EPGN: variants seen among roughly 807,000 people sequenced by gnomAD.
EPGN encodes epithelial mitogen.
A neutral mutation model predicts 20.7 loss-of-function variants in EPGN; 21 were observed. The ratio of observed to expected loss-of-function variants is 1.01; its 90% CI spans 0.72 to 1.46. EPGN has a LOEUF of 1.46. EPGN is among the 40% of genes most tolerant of loss of function. The pLI is 0.00. For missense variants in EPGN, 199 were observed against 180.7 expected (o/e 1.10, Z -0.58); for synonymous variants, 69 against 63.8 (o/e 1.08, Z -0.39).
chr4:74,308,643 C>A, intron 1 of EPGN, 67 bp downstream of exon 1: 1 of 1,385,536 alleles, frequency 7.2e-7, no homozygotes, highest in South Asian at 1.3e-5. Flanking sequence ...TTTATTTTCT[C>A]TGCATTAGAG....
chr4:74,308,838 G>C (rs1439355917), intron 1 of EPGN, among the ~76,000 whole-genome samples: 1 of 151,962 alleles, frequency 6.6e-6, no homozygotes, highest in Non-Finnish European at 1.5e-5. Flanking sequence ...CTATACTATA[G>C]GGTTCTTATT....
chr4:74,313,365 T>C (rs1399616449), intron 4 of EPGN, 195 bp downstream of exon 4: 19 of 1,397,638 alleles, frequency 1.4e-5, no homozygotes, highest in Non-Finnish European at 1.7e-5. Flanking sequence ...AAAATTTGCC[T>C]TCAGTTGTAA....
intron 3 of EPGN, 129 bp downstream of exon 3, chr4:74,312,434 C>A: frequency 1.0e-6 from 1 of 981,006 alleles, no homozygotes; most frequent in Non-Finnish European, 1.4e-6. Context: ...CATGACTTGA[C>A]AGGCCTCTAC....
chr4:74,308,798 C>A (rs974929790), intron 1 of EPGN, among the ~76,000 whole-genome samples: 20 of 152,070 alleles, frequency 1.3e-4, no homozygotes, highest in Admixed American at 1.3e-3. Context: ...TTGCTTTATA[C>A]AATTGAAGAG....
rs1750730061 is a variant in EPGN, at chr4:74,309,152, C to A, written c.103C>A (p.Gln35Lys). 1.9e-6 allele frequency: 3 copies of A among 1,613,382 alleles called. No individual in the cohort carries two copies. The highest frequency in any genetic ancestry group is 2.5e-6 in the Non-Finnish European group (3 of 1,179,598). Reference protein sequence around the residue: ...VTVTPPITAQQGNWTVNKTEA... With the variant: ...VTVTPPITAQKGNWTVNKTEA... ...TGTAACACCTCCAATCACAGCCCAG[C>A]AAGGTAACTGGACAGTTAACAAAAC... The change falls in exon 2 of 5, where the codon CAA (glutamine) becomes AAA (lysine). Residue 35 changes from glutamine to lysine, a missense_variant. Transcript: ENST00000413830.
chr4:74,313,991 A>G (rs1446091670), intron 4 of EPGN: 1 of 366,798 alleles, frequency 2.7e-6, no homozygotes, highest in African/African-American at 2.1e-5. Flanking sequence ...TAATAATAAT[A>G]AGGGGGAGGA....
rs1675650970 is a variant in EPGN at position 74,315,463 on chromosome 4, G to C, written c.*826G>C. On this transcript the variant is annotated 3_prime_UTR_variant, in exon 5 of 5. Transcript: ENST00000413830. ...GGAATTACCTGGTGACCATTCATTTGGACCGAAATCCTGGAAGTCTCCTAC... is the reference window on the plus strand; with the variant it reads ...GGAATTACCTGGTGACCATTCATTTCGACCGAAATCCTGGAAGTCTCCTAC... Among the ~76,000 whole-genome samples the C allele has an allele frequency of 1.3e-5, 2 of 152,084 alleles. No homozygotes were observed. Among genetic ancestry groups the C allele is most frequent in the South Asian group, 2.1e-4 (1 of 4,826 alleles).
intron 2 of EPGN, among the ~76,000 whole-genome samples, chr4:74,309,791 T>C (rs944904716): frequency 2.6e-5 from 4 of 152,152 alleles, no homozygotes; most frequent in African/African-American, 9.7e-5. Flanking sequence ...TCTAATCTGT[T>C]TAAACTCTTA....
chr4:74,312,181 C>G lies in EPGN; in HGVS notation c.134-4C>G. Reference sequence around the variant, plus strand: ...TTTGCTAACATTGTATCTCCTTTTCCTAGCTGACAACATAGAAGGACCCAT... The same window carrying G: ...TTTGCTAACATTGTATCTCCTTTTCGTAGCTGACAACATAGAAGGACCCAT... On this transcript the variant is annotated splice_region_variant and splice_polypyrimidine_tract_variant and intron_variant, in intron 2 of 4. Transcript: ENST00000413830. 6.3e-7 allele frequency: 1 copy of G among 1,593,518 alleles called. No individual in the cohort carries two copies. The highest frequency in any genetic ancestry group is 8.5e-7 in the Non-Finnish European group (1 of 1,173,078).
chr4:74,315,688 A>C lies in EPGN; in HGVS notation c.*1051A>C, dbSNP rs1751238071. On this transcript the variant is annotated 3_prime_UTR_variant, in exon 5 of 5. Transcript: ENST00000413830. ...GTATCCAGGCCAGGCGTGGTGGTTC[A>C]CGCCTGTAATCCTAGCACTTTGGGA... Among the ~76,000 whole-genome samples the C allele has an allele frequency of 6.6e-6, 1 of 152,180 alleles. No homozygotes were observed. Among genetic ancestry groups the C allele is most frequent in the South Asian group, 2.1e-4 (1 of 4,830 alleles).
In EPGN at chr4:74,309,138, C is replaced by T. The variant is rs1750727867; in HGVS notation, c.89C>T (p.Pro30Leu). The T allele has an allele frequency of 1.2e-6, 2 of 1,613,662 alleles. No individual in the cohort carries two copies. Among genetic ancestry groups the T allele is most frequent in the Non-Finnish European group, 8.5e-7 (1 of 1,179,686 alleles). The change falls in exon 2 of 5, where the codon CCA (proline) becomes CTA (leucine). Residue 30 changes from proline to leucine, a missense_variant. Pro to Leu is a moderately conservative substitution (Grantham distance 98). Transcript: ENST00000413830. ...TEEAAVTVTP[P>L]ITAQQGNWTV... is the part of the protein sequence containing the mutation. ...GAGGCAGCCGTGACTGTAACACCTC[C>T]AATCACAGCCCAGCAAGGTAACTGG...
At chr4:74,313,711 C>A in intron 4 of EPGN, 1 of 759,556 alleles carries the variant, frequency 1.3e-6, no homozygotes, top group Non-Finnish European at 1.6e-6. Flanking sequence ...TAATTATTTA[C>A]ATATTCATTC....
At position 74,314,570 on chromosome 4, in the gene EPGN, T is replaced by C; in HGVS notation, c.408-10T>C. 6.5e-7 allele frequency: 1 copy of C among 1,535,934 alleles called. No homozygotes were observed. The highest frequency in any genetic ancestry group is 8.7e-7 in the Non-Finnish European group (1 of 1,146,742). On this transcript the variant is annotated splice_polypyrimidine_tract_variant and intron_variant, in intron 4 of 4. Transcript: ENST00000413830. ...GTCAAATTCATATGGAAACCAATGCTCTGTTTCAGGTGTCTAAAATTGAAA... is the reference window on the plus strand; with the variant it reads ...GTCAAATTCATATGGAAACCAATGCCCTGTTTCAGGTGTCTAAAATTGAAA...
At position 74,308,996 on chromosome 4, in the gene EPGN, T is replaced by C. The variant is rs542771609; in HGVS notation, c.44-97T>C. ...TTTCAACTGTAATAAATTAAAAAAATAGAAATTGGAATAAACAGAATAAGA... is the reference window on the plus strand; with the variant it reads ...TTTCAACTGTAATAAATTAAAAAAACAGAAATTGGAATAAACAGAATAAGA... On this transcript the variant is annotated intron_variant, in intron 1 of 4. Transcript: ENST00000413830. 4.4e-5 allele frequency: 40 copies of C among 917,394 alleles called. No homozygotes were observed. The Middle Eastern group carries it at 1.1e-3, about 26-fold the overall frequency. The allele number at this position is 917,394 out of a possible 1,614,324, so 56.8% of individuals were successfully genotyped here. A position where few individuals can be genotyped will look rare whatever the true frequency, so the allele number is the denominator to read the frequency against.
chr4:74,309,670 T>G (rs1187520311), intron 2 of EPGN, among the ~76,000 whole-genome samples: 1 of 152,210 alleles, frequency 6.6e-6, no homozygotes, highest in African/African-American at 2.4e-5. Context: ...ATGCTGTATT[T>G]CCTAACCACT....
At chr4:74,311,464 T>G (rs952899370) in intron 2 of EPGN, among the ~76,000 whole-genome samples, 1 of 152,212 alleles carries the variant, frequency 6.6e-6, no homozygotes, top group Non-Finnish European at 1.5e-5. Flanking sequence ...AACTGTTTTT[T>G]CCCTACAAAC....
chr4:74,313,034 A>C lies in EPGN; in HGVS notation c.271A>C (p.Thr91Pro). The change falls in exon 4 of 5, where the codon ACT (threonine) becomes CCT (proline). Residue 91 changes from threonine (T) to proline (P), a missense_variant. Transcript: ENST00000413830. Reference protein sequence around the residue: ...KAICRCFTGYTGERCEHLTLT... With the variant: ...KAICRCFTGYPGERCEHLTLT... The stretch of plus-strand genomic sequence containing the variant: ...TTTTTAAAGGTGTTTTACTGGTTAT[A>C]CTGGAGAAAGGTGTGAGCACTTGAC... The C allele has an allele frequency of 6.2e-7, 1 of 1,608,524 alleles. No individual in the cohort carries two copies. The highest frequency in any genetic ancestry group is 8.5e-7 in the Non-Finnish European group (1 of 1,178,826).
Position 74,312,223 on chromosome 4 carries a change from C to A in EPGN, c.172C>A (p.His58Asn), listed in dbSNP as rs377708890. The stretch of plus-strand genomic sequence containing the variant: ...AGGACCCATAGCCTTGAAGTTCTCA[C>A]ACCTTTGCCTGGAAGATCATAACAG... Reference protein sequence around the residue: ...IEGPIALKFSHLCLEDHNSYC... With the variant: ...IEGPIALKFSNLCLEDHNSYC... Residue 58 changes from histidine (H) to asparagine (N), a missense_variant, in exon 3 of 5, where the codon CAC becomes AAC. Physicochemically the swap from His to Asn is moderately conservative, Grantham distance 68. Transcript: ENST00000413830. The A allele has an allele frequency of 6.2e-7, 1 of 1,613,174 alleles. No homozygotes were observed. The highest frequency in any genetic ancestry group is 8.5e-7 in the Non-Finnish European group (1 of 1,179,490).
At chr4:74,310,122 C>T (rs556171899) in intron 2 of EPGN, among the ~76,000 whole-genome samples, 9 of 152,156 alleles carry the variant, frequency 5.9e-5, no homozygotes, top group African/African-American at 2.2e-4. Flanking sequence ...TCTTCTAAGC[C>T]TTCAAACAAA....
Sources: allele counts gnomAD v4.1 joint callset (sites outside exome capture counted in the v4.1 genomes callset), GRCh38; gene constraint gnomAD v4.1.1; transcripts MANE v1.5; gene names NCBI Gene and HGNC (gene_info 2026-07-23, HGNC 2026-07-21).